The following SDK1 variants were observed in gnomAD, a reference collection of about 807,000 sequenced individuals.
SDK1 encodes sidekick cell adhesion molecule 1, also known as protein sidekick-1.
In SDK1, 157 loss-of-function variants were observed where a neutral mutation model predicts 245.5. The ratio of observed to expected loss-of-function variants is 0.64; its 90% CI spans 0.56 to 0.73. The LOEUF is 0.73. Ranked by LOEUF, SDK1 falls within the 30% of genes least tolerant of loss-of-function variation. SDK1 has a pLI of 0.00. For synonymous variants in SDK1, 1,647 were observed against 1,278.5 expected, an observed-to-expected ratio of 1.29 and a Z score of -6.15; for missense variants, 3,583 against 3,002.3, an observed-to-expected ratio of 1.19 and a Z score of -4.52.
chr7:3,560,816 C>G (rs1779728276), intron 1 of SDK1, among the ~76,000 whole-genome samples: 1 of 152,158 alleles, frequency 6.6e-6, no homozygotes, highest in South Asian at 2.1e-4. Context: ...TTTCCTGTTC[C>G]TCCAACCTGC....
intron 22 of SDK1, among the ~76,000 whole-genome samples, chr7:4,107,226 C>A (rs372209032): frequency 6.6e-6 from 1 of 151,618 alleles, no homozygotes; most frequent in East Asian, 1.9e-4. Flanking sequence ...AATGAGCGTC[C>A]GCAGTGCAGC....
At chr7:3,724,230 G>T (rs934327370) in intron 4 of SDK1, among the ~76,000 whole-genome samples, 2 of 151,412 alleles carry the variant, frequency 1.3e-5, no homozygotes, top group Admixed American at 6.6e-5. Flanking sequence ...CTCCCAAATT[G>T]CTGGGATTAC....
Position 3,654,130 on chromosome 7 carries a change from C to A in SDK1, c.713+12025C>A, listed in dbSNP as rs141815464. 2.1e-4 allele frequency among the ~76,000 whole-genome samples: 32 copies of A among 152,254 alleles called. No homozygotes were observed. The East Asian group carries it at 6.0e-3, about 29-fold the overall frequency. ...CCCTGGTGTAGAGAATATGCTGGAG[C>A]CATGGGCAGCCCCTGTGCCCCACCG... On this transcript the variant is annotated intron_variant, in intron 4 of 44. Transcript: ENST00000404826.
At chr7:3,418,145 G>GAAAAAAAAAAAAAAAAAAAAAAAAA (rs200914826) in intron 1 of SDK1, among the ~76,000 whole-genome samples, 2 of 119,726 alleles carry the variant, frequency 1.7e-5, no homozygotes, top group South Asian at 5.1e-4. Context: ...TACTAAAAAT[G>GAAAAAAAAAAAAAAAAAAAAAAAAA]AAAAAAAAAA....
chr7:3,348,478 C>G (rs962987428), intron 1 of SDK1, among the ~76,000 whole-genome samples: 4 of 140,820 alleles, frequency 2.8e-5, no homozygotes, highest in South Asian at 4.4e-4. Context: ...AACATGTTCT[C>G]GTAAGGGAGA....
At chr7:3,466,653 G>T (rs528215081) in intron 1 of SDK1, among the ~76,000 whole-genome samples, 1 of 151,152 alleles carries the variant, frequency 6.6e-6, no homozygotes, top group Admixed American at 6.6e-5. Flanking sequence ...TGTCATTCTT[G>T]CTTATCACTT....
At chr7:3,580,979 A>C (rs1178289895) in intron 1 of SDK1, among the ~76,000 whole-genome samples, 1 of 138,620 alleles carries the variant, frequency 7.2e-6, no homozygotes, top group Non-Finnish European at 1.6e-5. Context: ...AAAAAAAAAA[A>C]AAAAAAAAAA....
chr7:3,430,656 A>C (rs755785008), intron 1 of SDK1, among the ~76,000 whole-genome samples: 1 of 152,192 alleles, frequency 6.6e-6, no homozygotes, highest in Non-Finnish European at 1.5e-5. Context: ...CTGATTCCAG[A>C]ATCCCAAAAG....
chr7:3,656,780 G>A (rs913776038), intron 4 of SDK1, among the ~76,000 whole-genome samples: 15 of 144,994 alleles, frequency 1.0e-4, no homozygotes, highest in African/African-American at 2.8e-4. Flanking sequence ...TCGCTCTGTC[G>A]CCCAGGCCGG....
chr7:4,060,355 A>G (rs1258860592), intron 19 of SDK1, among the ~76,000 whole-genome samples: 1 of 152,238 alleles, frequency 6.6e-6, no homozygotes, highest in Non-Finnish European at 1.5e-5. Context: ...TAGTAGAAGG[A>G]AAGATATAAT....
chr7:4,175,984 A>T (rs1381091396), intron 34 of SDK1, 150 bp downstream of exon 34: 2 of 637,820 alleles, frequency 3.1e-6, no homozygotes, highest in East Asian at 5.5e-5. Flanking sequence ...CACATACCAA[A>T]CCACCAGGGA....
chr7:3,385,021 C>T (rs6462059), intron 1 of SDK1, among the ~76,000 whole-genome samples: 113,472 of 152,060 alleles, frequency 0.75, 42,551 homozygotes, highest in South Asian at 0.84. Context: ...GATGTGCTCT[C>T]TCTAGAGACA....
intron 2 of SDK1, among the ~76,000 whole-genome samples, chr7:3,626,194 T>C (rs1342434717): frequency 2.6e-5 from 4 of 151,900 alleles, no homozygotes; most frequent in Non-Finnish European, 5.9e-5. Context: ...CCTGCCTTGG[T>C]CTCCCAAAGT....
At chr7:3,761,749 T>C (rs1780111119) in intron 4 of SDK1, among the ~76,000 whole-genome samples, 1 of 151,976 alleles carries the variant, frequency 6.6e-6, no homozygotes, top group African/African-American at 2.4e-5. Flanking sequence ...AGTAGCAGAT[T>C]ATAGTTATGA....
intron 1 of SDK1, among the ~76,000 whole-genome samples, chr7:3,318,572 T>A (rs1305117853): frequency 6.6e-6 from 1 of 152,220 alleles, no homozygotes; most frequent in Admixed American, 6.5e-5. Context: ...GCATTACTTA[T>A]TACTTGTTTC....
At chr7:3,604,374 T>C (rs899006540) in intron 1 of SDK1, among the ~76,000 whole-genome samples, 2 of 152,152 alleles carry the variant, frequency 1.3e-5, no homozygotes, top group African/African-American at 4.8e-5. Flanking sequence ...ATTTTCTTCC[T>C]TAAATTTATT....
In SDK1 at chr7:4,012,078, C is replaced by A; in HGVS notation, c.2280-17C>A. The A allele has an allele frequency of 6.7e-7, 1 of 1,491,226 alleles. No individual in the cohort carries two copies. Among genetic ancestry groups the A allele is most frequent in the Non-Finnish European group, 8.9e-7 (1 of 1,123,680 alleles). 92.4% of individuals were successfully genotyped at this position (1,491,226 alleles called of 1,614,324 possible). ...TGGTACTCATCTCTCTTGTTCCTAC[C>A]CGTCTTTTATTTATAGGTTGATGCT... On this transcript the variant is annotated splice_polypyrimidine_tract_variant and intron_variant, in intron 15 of 44. Coordinates refer to ENST00000404826, the MANE Select transcript of SDK1 (RefSeq NM_152744.4).
At chr7:3,474,253 G>A (rs1781278276) in intron 1 of SDK1, among the ~76,000 whole-genome samples, 2 of 149,796 alleles carry the variant, frequency 1.3e-5, no homozygotes, top group Admixed American at 6.7e-5. Flanking sequence ...GCGCCACCAC[G>A]ACCAGCTAAT....
At chr7:4,181,587 C>G (rs1373286133) in intron 35 of SDK1, among the ~76,000 whole-genome samples, 1 of 152,146 alleles carries the variant, frequency 6.6e-6, no homozygotes, top group Non-Finnish European at 1.5e-5. Flanking sequence ...CTCCAGCCCT[C>G]CTTTCCAGAG....
Sources: gnomAD v4.1 joint callset for allele counts (sites outside exome capture counted in the v4.1 genomes callset) on GRCh38, gnomAD v4.1.1 for gene constraint, MANE v1.5 for transcripts, NCBI Gene and HGNC (gene_info 2026-07-23, HGNC 2026-07-21) for gene names.